Variants in COL23A1 observed in about 807,000 individuals in gnomAD.
COL23A1 encodes collagen type XXIII alpha 1 chain.
In COL23A1, 97 loss-of-function variants were observed where a neutral mutation model predicts 99.3. The ratio of observed to expected loss-of-function variants is 0.98; its 90% CI spans 0.83 to 1.16. COL23A1 has a LOEUF of 1.16. Among genes scored for constraint, COL23A1 ranks in the 50% most tolerant of loss-of-function variants. The pLI is 0.00. For synonymous variants in COL23A1, 320 were observed against 308.2 expected (o/e 1.04, Z -0.40); for missense variants, 762 against 757.4 (o/e 1.01, Z -0.07).
chr5:178,362,818 C>T (rs1762243786), intron 2 of COL23A1, among the ~76,000 whole-genome samples: 1 of 152,124 alleles, frequency 6.6e-6, no homozygotes, highest in Non-Finnish European at 1.5e-5. Context: ...TGCCCGATGG[C>T]ACAGCCCAGC....
intron 6 of COL23A1, among the ~76,000 whole-genome samples, chr5:178,268,975 G>A (rs905613012): frequency 2.6e-5 from 4 of 152,258 alleles, no homozygotes; most frequent in South Asian, 2.1e-4. Context: ...GGGGAATTGC[G>A]GGTGACCAGC....
At chr5:178,262,615 G>A (rs1450822174) in intron 9 of COL23A1, among the ~76,000 whole-genome samples, 2 of 152,160 alleles carry the variant, frequency 1.3e-5, no homozygotes, top group African/African-American at 4.8e-5. Flanking sequence ...GAAAGGGGTA[G>A]TAGGATGGGG....
At chr5:178,368,252 C>T (rs1326602185) in intron 2 of COL23A1, among the ~76,000 whole-genome samples, 1 of 152,112 alleles carries the variant, frequency 6.6e-6, no homozygotes, top group Non-Finnish European at 1.5e-5. Context: ...ATGGGCTGGG[C>T]AGGGAGGAGC....
intron 2 of COL23A1, among the ~76,000 whole-genome samples, chr5:178,543,318 G>A (rs1223279492): frequency 6.6e-6 from 1 of 152,056 alleles, no homozygotes; most frequent in Admixed American, 6.5e-5. Flanking sequence ...CGTTGGCCAG[G>A]CTGGTCGTCA....
At chr5:178,557,832 G>A (rs1008022905) in intron 2 of COL23A1, among the ~76,000 whole-genome samples, 4 of 152,160 alleles carry the variant, frequency 2.6e-5, no homozygotes, top group African/African-American at 9.7e-5. Flanking sequence ...GGGCTCATGG[G>A]CCGGCCTGCT....
chr5:178,343,702 G>A (rs974900073), intron 2 of COL23A1, among the ~76,000 whole-genome samples: 6 of 147,818 alleles, frequency 4.1e-5, no homozygotes, highest in Non-Finnish European at 7.4e-5. Context: ...TGCTCTTGTC[G>A]CCCAGGCTGG....
chr5:178,462,095 G>A lies in COL23A1; in HGVS notation c.361+98587C>T, dbSNP rs181849666. Among the ~76,000 whole-genome samples, 8 of 152,352 alleles carry A rather than the reference G, an allele frequency of 5.3e-5. No homozygotes were observed. In the East Asian group the frequency reaches 1.4e-3, roughly 26 times the overall value. On this transcript the variant is annotated intron_variant, in intron 2 of 28. Coordinates refer to ENST00000390654, the MANE Select transcript of COL23A1 (RefSeq NM_173465.4). ...TAGTAGGAGCTTATTAAGCATTTTGGAAGGATGGGAGGAGGGGCTTGTGAT... is the reference window on the plus strand; with the variant it reads ...TAGTAGGAGCTTATTAAGCATTTTGAAAGGATGGGAGGAGGGGCTTGTGAT...
At chr5:178,456,862 G>T (rs143104087) in intron 2 of COL23A1, among the ~76,000 whole-genome samples, 103 of 152,244 alleles carry the variant, frequency 6.8e-4, no homozygotes, top group African/African-American at 2.4e-3. Flanking sequence ...AGTAAGAAAA[G>T]CAAGAAAATT....
At chr5:178,412,202 G>C (rs1341554506) in intron 2 of COL23A1, among the ~76,000 whole-genome samples, 1 of 152,228 alleles carries the variant, frequency 6.6e-6, no homozygotes, top group Non-Finnish European at 1.5e-5. Flanking sequence ...AGATCTGCAT[G>C]TGACAATGTG....
intron 2 of COL23A1, among the ~76,000 whole-genome samples, chr5:178,447,638 T>A (rs1767237072): frequency 6.6e-6 from 1 of 152,204 alleles, no homozygotes; most frequent in Non-Finnish European, 1.5e-5. Context: ...TCTAGGCTTG[T>A]GAGTACACTC....
In COL23A1 at chr5:178,255,462, C is replaced by T. The variant is rs963086024; in HGVS notation, c.883-436G>A. 1.3e-5 allele frequency among the ~76,000 whole-genome samples: 2 copies of T among 151,812 alleles called. No homozygotes were observed. The highest frequency in any genetic ancestry group is 2.9e-5 in the Non-Finnish European group (2 of 67,994). ...CGGCTGCACACGCCAAGCACCCACA[C>T]GCCTATTCCCGCCTGGTTACAGGTG... On this transcript the variant is annotated intron_variant, in intron 15 of 28. Transcript: ENST00000390654. The surrounding 1 kb of genome is among the most constrained non-coding windows in gnomAD (Gnocchi z 4.2).
At chr5:178,426,704 T>C (rs1253655230) in intron 2 of COL23A1, among the ~76,000 whole-genome samples, 1 of 152,182 alleles carries the variant, frequency 6.6e-6, no homozygotes, top group African/African-American at 2.4e-5. Flanking sequence ...AGAGAAAATA[T>C]TTGCAAAAGG....
chr5:178,504,443 A>G (rs556636078), intron 2 of COL23A1, among the ~76,000 whole-genome samples: 180 of 152,242 alleles, frequency 1.2e-3, no homozygotes, highest in Middle Eastern at 6.8e-3. Context: ...TGAAAACGAG[A>G]GGATGGGGAC....
Position 178,544,447 on chromosome 5 carries a change from G to A in COL23A1, c.361+16235C>T, listed in dbSNP as rs1477976759. 1.3e-5 allele frequency among the ~76,000 whole-genome samples: 2 copies of A among 152,162 alleles called. No homozygotes were observed. Among genetic ancestry groups the A allele is most frequent in the South Asian group, 2.1e-4 (1 of 4,826 alleles). ...AATTAAGCCCAAGACCTGCCATGGC[G>A]GTGGGGAGCAGTCTCCCTCAGATGG... On this transcript the variant is annotated intron_variant, in intron 2 of 28. Coordinates refer to ENST00000390654, the MANE Select transcript of COL23A1 (RefSeq NM_173465.4). The surrounding 1 kb of genome is among the most constrained non-coding windows in gnomAD (Gnocchi z 4.4).
chr5:178,250,321 TC>T (rs1764967202), intron 17 of COL23A1, among the ~76,000 whole-genome samples: 1 of 152,210 alleles, frequency 6.6e-6, no homozygotes, highest in Non-Finnish European at 1.5e-5. Context: ...TGTCACAGAT[TC>T]GGGCGCTGAG....
At chr5:178,269,690 C>A (rs1283751943) in intron 6 of COL23A1, among the ~76,000 whole-genome samples, 2 of 149,592 alleles carry the variant, frequency 1.3e-5, no homozygotes, top group Non-Finnish European at 3.0e-5. Context: ...ACTATCCATC[C>A]ATCCACCCAT....
At chr5:178,565,341 G>C (rs1762789834) in intron 1 of COL23A1, among the ~76,000 whole-genome samples, 1 of 152,226 alleles carries the variant, frequency 6.6e-6, no homozygotes, top group African/African-American at 2.4e-5. Context: ...GGGAGGCCCA[G>C]CTCCAGGGTC....
intron 2 of COL23A1, among the ~76,000 whole-genome samples, chr5:178,357,101 G>T (rs1179053034): frequency 6.6e-6 from 1 of 152,214 alleles, no homozygotes. Flanking sequence ...CCCTTTACTC[G>T]ATGCTGTTCT....
intron 2 of COL23A1, among the ~76,000 whole-genome samples, chr5:178,433,728 T>C (rs1426853869): frequency 6.6e-6 from 1 of 152,194 alleles, no homozygotes; most frequent in East Asian, 1.9e-4. Flanking sequence ...ATACTTATTT[T>C]TACCACACTC....
Sources: gnomAD v4.1 joint callset for allele counts (sites outside exome capture counted in the v4.1 genomes callset) on GRCh38, gnomAD v4.1.1 for gene constraint, Gnocchi (gnomAD v3.1) non-coding constraint, MANE v1.5 for transcripts, NCBI Gene and HGNC (gene_info 2026-07-23, HGNC 2026-07-21) for gene names.